SSBP4: variants seen among roughly 807,000 people sequenced by gnomAD.
SSBP4 encodes the protein single-stranded DNA-binding protein 4.
A neutral mutation model predicts 64.6 loss-of-function variants in SSBP4; 33 were observed. That is an observed-to-expected ratio of 0.51 (90% confidence interval 0.39 to 0.68). The LOEUF is 0.68. SSBP4 is among the 30% of genes least tolerant of loss of function. The pLI, the probability that SSBP4 is intolerant of heterozygous loss-of-function variation, is 0.00. For missense variants in SSBP4, 583 were observed against 566.8 expected (o/e 1.03, Z -0.29); for synonymous variants, 243 against 224.0 (o/e 1.08, Z -0.76).
chr19:18,421,626 G>A (rs755675368), intron 1 of SSBP4, among the ~76,000 whole-genome samples: 12 of 152,246 alleles, frequency 7.9e-5, no homozygotes, highest in African/African-American at 1.4e-4. Flanking sequence ...GATAGATAGC[G>A]AAGGGTGAGG....
At chr19:18,433,484 G>A (rs1381357670) in intron 15 of SSBP4, 101 bp from the exon 16 acceptor site, 14 of 913,360 alleles carry the variant, frequency 1.5e-5, no homozygotes, top group Admixed American at 1.2e-4. Flanking sequence ...GGGCGGGGGC[G>A]CGTCGGCGGG....
In SSBP4 at chr19:18,433,310, C is replaced by T. The variant is rs949532446; in HGVS notation, c.991+97C>T. 4.2e-6 allele frequency: 6 copies of T among 1,439,864 alleles called. No individual in the cohort carries two copies. The African/African-American group carries it at 8.5e-5, about 20-fold the overall frequency. 89.2% of individuals were successfully genotyped at this position (1,439,864 alleles called of 1,614,324 possible). A position where few individuals can be genotyped will look rare whatever the true frequency, so the allele number is the denominator to read the frequency against. On this transcript the variant is annotated intron_variant, in intron 15 of 17. Transcript: ENST00000270061. ...CGTCAGCCCGCCTGCCGGGTGGAGG[C>T]GTCTAGTGGCGTCCTGAGCCCCCCG...
In SSBP4 at chr19:18,432,141, C is replaced by A. The variant is rs778187496; in HGVS notation, c.637-6C>A. The A allele has an allele frequency of 6.2e-7, 1 of 1,613,012 alleles. No homozygotes were observed. Among genetic ancestry groups the A allele is most frequent in the Non-Finnish European group, 8.5e-7 (1 of 1,179,928 alleles). ...TCTACCCCTCACAGCCCCTTTGCCT[C>A]CGCAGAGCTATGGAGGTGGCATGCG... On this transcript the variant is annotated splice_region_variant and splice_polypyrimidine_tract_variant and intron_variant, in intron 9 of 17. Coordinates refer to ENST00000270061, the MANE Select transcript of SSBP4 (RefSeq NM_032627.5).
the SSBP4 span, among the ~76,000 whole-genome samples, chr19:18,408,469 CTT>C: frequency 6.6e-6 from 1 of 151,374 alleles, no homozygotes; most frequent in African/African-American, 2.4e-5. Flanking sequence ...TGAATTGAGT[CTT>C]AGAGTCTCCT....
chr19:18,412,019 G>T, the SSBP4 span, among the ~76,000 whole-genome samples: 1 of 152,070 alleles, frequency 6.6e-6, no homozygotes, highest in African/African-American at 2.4e-5. Context: ...AATAAAATTA[G>T]CTGGGCTTGG....
intron 15 of SSBP4, 27 bp from the exon 16 acceptor site, chr19:18,433,558 G>A: frequency 1.9e-6 from 3 of 1,547,574 alleles, no homozygotes; most frequent in Non-Finnish European, 2.6e-6. Flanking sequence ...CGTCTGAGCC[G>A]GTGCCCGTGT....
the SSBP4 span, among the ~76,000 whole-genome samples, chr19:18,407,186 C>T: frequency 6.6e-6 from 1 of 151,974 alleles, no homozygotes; most frequent in Non-Finnish European, 1.5e-5. Context: ...TACAGATGCA[C>T]ACCACCACGC....
chr19:18,432,467 G>A lies in SSBP4; in HGVS notation c.705-92G>A, dbSNP rs181848834. The A allele has an allele frequency of 2.8e-5, 42 of 1,493,436 alleles. No individual in the cohort carries two copies. The African/African-American group carries it at 4.9e-4, about 17-fold the overall frequency. The allele number at this position is 1,493,436 out of a possible 1,614,324, so 92.5% of individuals were successfully genotyped here. On this transcript the variant is annotated intron_variant, in intron 10 of 17. Transcript: ENST00000270061. ...ATCTGCTGCTCTGTGGTCGGTCTGG[G>A]GATACAGTGGAGCAGGGTGTGGGGG... is the stretch of plus-strand genomic sequence containing the variant.
chr19:18,420,631 G>A (rs1167952709), intron 1 of SSBP4, among the ~76,000 whole-genome samples: 1 of 152,050 alleles, frequency 6.6e-6, no homozygotes, highest in African/African-American at 2.4e-5. Context: ...AGGCCGAGGC[G>A]GTCGGATCAC....
the SSBP4 span, among the ~76,000 whole-genome samples, chr19:18,412,621 G>C: frequency 6.6e-6 from 1 of 152,054 alleles, no homozygotes; most frequent in Middle Eastern, 3.2e-3. Context: ...ACCTTTCTCA[G>C]ACATAGGTGA....
chr19:18,412,183 C>A, the SSBP4 span, among the ~76,000 whole-genome samples: 1 of 151,266 alleles, frequency 6.6e-6, no homozygotes, highest in Non-Finnish European at 1.5e-5. Context: ...AGGATGAGGG[C>A]CAGGTGCAGT....
chr19:18,422,752 C>T (rs1365446521), intron 1 of SSBP4, among the ~76,000 whole-genome samples: 5 of 152,208 alleles, frequency 3.3e-5, no homozygotes, highest in African/African-American at 9.7e-5. Context: ...GTATCTGCCT[C>T]GGGCAAGCCA....
upstream of SSBP4, among the ~76,000 whole-genome samples, chr19:18,417,675 G>C (rs2144657205): frequency 6.6e-6 from 1 of 152,306 alleles, no homozygotes; most frequent in Non-Finnish European, 1.5e-5. The surrounding 1 kb of genome is among the most constrained non-coding windows in gnomAD (Gnocchi z 5.4). Context: ...CCGCCGAGCC[G>C]GGGCCCGGAG....
Position 18,433,580 on chromosome 19 carries a change from T to C in SSBP4, c.992-5T>C, listed in dbSNP as rs938109641. 5.2e-6 allele frequency: 8 copies of C among 1,533,828 alleles called. No homozygotes were observed. In the African/African-American group the frequency reaches 8.6e-5, roughly 17 times the overall value. On this transcript the variant is annotated splice_region_variant and splice_polypyrimidine_tract_variant and intron_variant, in intron 15 of 17. Transcript: ENST00000270061. ...GCCGGTGCCCGTGTCTGTCCGTGTC[T>C]GTAGGCTCGGGCGACATGGACGGGT...
At chr19:18,405,694 G>A in the SSBP4 span, among the ~76,000 whole-genome samples, 1 of 151,112 alleles carries the variant, frequency 6.6e-6, no homozygotes, top group East Asian at 2.0e-4. Context: ...ATTATTTTAA[G>A]AGATGGGGTT....
At chr19:18,404,031 A>T in the SSBP4 span, among the ~76,000 whole-genome samples, 3 of 151,702 alleles carry the variant, frequency 2.0e-5, no homozygotes, top group African/African-American at 7.3e-5. Flanking sequence ...CCCCAGACAG[A>T]GAGACACCAG....
At chr19:18,424,789 C>T (rs372873301) in intron 1 of SSBP4, among the ~76,000 whole-genome samples, 3 of 150,244 alleles carry the variant, frequency 2.0e-5, no homozygotes, top group Non-Finnish European at 4.4e-5. Context: ...CACAGGTGCA[C>T]GCCTGTGCGC....
In SSBP4 at chr19:18,423,238, C is replaced by G. The variant is rs757665981; in HGVS notation, c.59+3531C>G. ...TGCCTGGCAGCTCGTGGGTTTCTCC[C>G]GGGCTTGATTTTGAGCCGGCACATG... On this transcript the variant is annotated intron_variant, in intron 1 of 17. Transcript: ENST00000270061. This position sits in a 1 kb window ranked among gnomAD's most constrained non-coding sequence, Gnocchi z 4.0. Among the ~76,000 whole-genome samples, 2 of 152,140 alleles carry G rather than the reference C, an allele frequency of 1.3e-5. No homozygotes were observed. Among genetic ancestry groups the G allele is most frequent in the African/African-American group, 4.8e-5 (2 of 41,432 alleles).
chr19:18,419,320 G>A, upstream of SSBP4: 1 of 1,007,302 alleles, frequency 9.9e-7, no homozygotes, highest in East Asian at 1.0e-4. Context: ...GCCCGCCATC[G>A]CCCCTTTAAG....
Sources: gnomAD v4.1 joint callset for allele counts (sites outside exome capture counted in the v4.1 genomes callset) on GRCh38, gnomAD v4.1.1 for gene constraint, Gnocchi (gnomAD v3.1) non-coding constraint, MANE v1.5 for transcripts, NCBI Gene and HGNC (gene_info 2026-07-23, HGNC 2026-07-21) for gene names.